The following RNGTT variants were observed in gnomAD, a reference collection of about 807,000 sequenced individuals.
The protein encoded by RNGTT is mRNA-capping enzyme.
A neutral mutation model predicts 79.3 loss-of-function variants in RNGTT; 33 were observed. The observed-to-expected ratio is 0.42, with a 90% CI of 0.32 to 0.56. The LOEUF is 0.56. Ranked by LOEUF, RNGTT falls within the 20% of genes least tolerant of loss-of-function variation. The pLI is 0.17. For missense variants in RNGTT, 497 were observed against 739.1 expected (o/e 0.67, Z 3.80); for synonymous variants, 222 against 235.9 (o/e 0.94, Z 0.54).
At chr6:88,891,564 G>A (rs910140082) in intron 7 of RNGTT, among the ~76,000 whole-genome samples, 12 of 151,996 alleles carry the variant, frequency 7.9e-5, no homozygotes, top group South Asian at 2.1e-4. Flanking sequence ...TCAAAGACAC[G>A]AAACAAATAC....
intron 14 of RNGTT, among the ~76,000 whole-genome samples, chr6:88,668,633 C>G (rs1284771189): frequency 1.3e-5 from 2 of 152,104 alleles, no homozygotes; most frequent in Non-Finnish European, 2.9e-5. Flanking sequence ...ATGTGTGTAG[C>G]CCAGGGAATG....
rs1562284562 is a variant in RNGTT, at chr6:88,849,797, C to T, written c.1062G>A (p.Gln354=). The change falls in exon 10 of 16, where the codon CAG becomes CAA. Residue 354 remains glutamine, a synonymous_variant. Coordinates refer to ENST00000369485, the MANE Select transcript of RNGTT (RefSeq NM_003800.5). Reference sequence around the variant, plus strand: ...CATATATCAAATATCTAGGAACAGCCTGTCCATTTACTCTGTCAATAATCA... The same window carrying T: ...CATATATCAAATATCTAGGAACAGCTTGTCCATTTACTCTGTCAATAATCA... ...GEMIIDRVNG[Q]AVPRYLIYDI... 6.4e-7 allele frequency: 1 copy of T among 1,569,794 alleles called. No homozygotes were observed. The highest frequency in any genetic ancestry group is 1.9e-5 in the Admixed American group (1 of 53,836).
At chr6:88,866,389 CAA>C (rs1782165733) in intron 8 of RNGTT, among the ~76,000 whole-genome samples, 1 of 152,046 alleles carries the variant, frequency 6.6e-6, no homozygotes, top group Non-Finnish European at 1.5e-5. Context: ...GATTCACAGA[CAA>C]GAGCAAAAAG....
At chr6:88,626,311 G>A (rs1772631673) in intron 14 of RNGTT, among the ~76,000 whole-genome samples, 1 of 151,980 alleles carries the variant, frequency 6.6e-6, no homozygotes, top group African/African-American at 2.4e-5. Context: ...AGGTCTTCAT[G>A]AATCAAAAAT....
At chr6:88,675,108 A>G (rs1774816589) in intron 14 of RNGTT, among the ~76,000 whole-genome samples, 1 of 151,992 alleles carries the variant, frequency 6.6e-6, no homozygotes, top group Non-Finnish European at 1.5e-5. Flanking sequence ...AGAAGAAAAA[A>G]AAAAAAAAAA....
At chr6:88,690,668 C>T (rs1274576772) in intron 13 of RNGTT, among the ~76,000 whole-genome samples, 1 of 152,064 alleles carries the variant, frequency 6.6e-6, no homozygotes, top group East Asian at 1.9e-4. Context: ...TATGATCACA[C>T]TACTGCAGTC....
At chr6:88,627,245 G>C (rs1254382735) in intron 14 of RNGTT, among the ~76,000 whole-genome samples, 1 of 152,010 alleles carries the variant, frequency 6.6e-6, no homozygotes, top group Non-Finnish European at 1.5e-5. Context: ...AAATAACTAA[G>C]TTTATTTTAA....
chr6:88,712,415 C>T (rs946360058), intron 13 of RNGTT, among the ~76,000 whole-genome samples: 9 of 152,162 alleles, frequency 5.9e-5, no homozygotes, highest in African/African-American at 2.2e-4. Context: ...CAGCGATCCT[C>T]CCACCTCAGC....
chr6:88,630,826 T>G (rs1772845703), intron 14 of RNGTT, among the ~76,000 whole-genome samples: 1 of 152,156 alleles, frequency 6.6e-6, no homozygotes, highest in Non-Finnish European at 1.5e-5. Flanking sequence ...TGCTTAAATA[T>G]TTTTTTAGAA....
chr6:88,855,077 G>T (rs1781799792), intron 8 of RNGTT, among the ~76,000 whole-genome samples: 1 of 152,158 alleles, frequency 6.6e-6, no homozygotes, highest in African/African-American at 2.4e-5. Context: ...TTAAATGAAA[G>T]AATGGAAGAA....
At chr6:88,931,533 C>T (rs937684669) in intron 2 of RNGTT, among the ~76,000 whole-genome samples, 3 of 152,062 alleles carry the variant, frequency 2.0e-5, no homozygotes, top group African/African-American at 4.8e-5. Flanking sequence ...TCTAAAATGA[C>T]AAAAATCACT....
intron 14 of RNGTT, among the ~76,000 whole-genome samples, chr6:88,645,941 G>A (rs569751358): frequency 2.4e-4 from 36 of 152,288 alleles, no homozygotes; most frequent in Non-Finnish European, 1.8e-4. Context: ...ACATAGGCAT[G>A]GGCAAGGACT....
chr6:88,666,013 G>A (rs1255123015), intron 14 of RNGTT, among the ~76,000 whole-genome samples: 1 of 152,180 alleles, frequency 6.6e-6, no homozygotes. Context: ...CAACCTACTG[G>A]AGCCTAAGAC....
chr6:88,723,939 G>A (rs1490569671), intron 13 of RNGTT, among the ~76,000 whole-genome samples: 1 of 152,056 alleles, frequency 6.6e-6, no homozygotes, highest in African/African-American at 2.4e-5. Flanking sequence ...TGGCCAGGCT[G>A]GTCTCAAGCT....
chr6:88,928,705 A>C (rs1398606608), intron 4 of RNGTT, among the ~76,000 whole-genome samples: 1 of 152,242 alleles, frequency 6.6e-6, no homozygotes, highest in Non-Finnish European at 1.5e-5. Context: ...GTAAAATTAT[A>C]AAATGTAGAA....
chr6:88,675,520 T>C (rs1233402594), intron 14 of RNGTT, among the ~76,000 whole-genome samples: 1 of 152,092 alleles, frequency 6.6e-6, no homozygotes, highest in African/African-American at 2.4e-5. Flanking sequence ...AGCAAGACCC[T>C]GTCTGTATAA....
intron 13 of RNGTT, among the ~76,000 whole-genome samples, chr6:88,696,225 T>C (rs1775661088): frequency 6.6e-6 from 1 of 152,210 alleles, no homozygotes; most frequent in Non-Finnish European, 1.5e-5. Flanking sequence ...TTCTACTTTG[T>C]ATACATATAA....
intron 11 of RNGTT, among the ~76,000 whole-genome samples, chr6:88,816,098 G>A (rs9353618): frequency 0.2 from 29,657 of 151,926 alleles, 3,569 homozygotes; most frequent in African/African-American, 0.33. Context: ...CCTCTGTTAC[G>A]GTGATTTTAT....
At chr6:88,754,288 G>A (rs1233164037) in intron 13 of RNGTT, among the ~76,000 whole-genome samples, 2 of 152,148 alleles carry the variant, frequency 1.3e-5, no homozygotes, top group African/African-American at 4.8e-5. Context: ...CAAATCCTGA[G>A]AAGAGTACAG....
Sources: gnomAD v4.1 joint callset for allele counts (sites outside exome capture counted in the v4.1 genomes callset) on GRCh38, gnomAD v4.1.1 for gene constraint, MANE v1.5 for transcripts, NCBI Gene and HGNC (gene_info 2026-07-23, HGNC 2026-07-21) for gene names.